POLR3B: variants seen among roughly 807,000 people sequenced by gnomAD.
POLR3B encodes RNA polymerase III subunit B, also known as DNA-directed RNA polymerase III subunit RPC2.
POLR3B carries 96 observed loss-of-function variants against 147.4 expected under a neutral mutation model. That is an observed-to-expected ratio of 0.65 (90% confidence interval 0.55 to 0.77). The LOEUF (loss-of-function observed/expected upper bound fraction) is 0.77. POLR3B is among the 30% of genes least tolerant of loss of function. POLR3B has a pLI of 0.00. For missense variants in POLR3B, 1,036 were observed against 1,413.5 expected (o/e 0.73, Z 4.28); for synonymous variants, 461 against 485.9 (o/e 0.95, Z 0.67).
chr12:106,409,354 T>G (rs1057460930), intron 11 of POLR3B, among the ~76,000 whole-genome samples: 1 of 139,816 alleles, frequency 7.2e-6, no homozygotes, highest in Non-Finnish European at 1.5e-5. Context: ...GGGTTTTTTT[T>G]GTTTTTTTTT....
intron 23 of POLR3B, among the ~76,000 whole-genome samples, chr12:106,477,890 C>CGTTTTTTT (rs1449168548): frequency 1.4e-5 from 1 of 72,228 alleles, no homozygotes; most frequent in Non-Finnish European, 2.7e-5. Flanking sequence ...TGGCTCCTCC[C>CGTTTTTTT]CTTTTTTTTT....
Position 106,504,036 on chromosome 12 carries a change from G to T in POLR3B, c.3099-45G>T. 1 of 1,580,790 alleles carries T rather than the reference G, an allele frequency of 6.3e-7. No individual in the cohort carries two copies. The highest frequency in any genetic ancestry group is 8.7e-7 in the Non-Finnish European group (1 of 1,149,626). ...AGCATGTGATGCTACCTCTTTGTTT[G>T]TTTAACAGAATAATAACACATTTGT... On this transcript the variant is annotated intron_variant, in intron 26 of 27. Transcript: ENST00000228347. This position sits in a 1 kb window ranked among gnomAD's most constrained non-coding sequence, Gnocchi z 4.6.
intron 18 of POLR3B, among the ~76,000 whole-genome samples, chr12:106,438,063 C>T (rs918135628): frequency 1.3e-5 from 2 of 152,066 alleles, no homozygotes; most frequent in Non-Finnish European, 2.9e-5. Flanking sequence ...TAACAGTCCC[C>T]CTGGTGTGTG....
intron 8 of POLR3B, 105 bp from the exon 9 acceptor site, chr12:106,379,926 G>A: frequency 1.4e-6 from 1 of 727,838 alleles, no homozygotes; most frequent in East Asian, 2.7e-5. Flanking sequence ...TGTGATTGTT[G>A]TTGATCAGTT....
chr12:106,358,523 GC>G (rs1200563603), intron 1 of POLR3B, among the ~76,000 whole-genome samples: 2 of 152,218 alleles, frequency 1.3e-5, no homozygotes, highest in Non-Finnish European at 2.9e-5. Flanking sequence ...GTTAAGGACA[GC>G]TGCCCCACAG....
chr12:106,370,469 T>C (rs1042989743), intron 6 of POLR3B, among the ~76,000 whole-genome samples: 2 of 152,202 alleles, frequency 1.3e-5, no homozygotes, highest in African/African-American at 4.8e-5. Flanking sequence ...CAGATTTTTA[T>C]GGAAACATGC....
chr12:106,472,569 A>G lies in POLR3B; in HGVS notation c.2713+8949A>G, dbSNP rs796848140. Among the ~76,000 whole-genome samples the G allele has an allele frequency of 6.1e-4, 93 of 151,356 alleles. No individual in the cohort carries two copies. In the South Asian group the frequency reaches 0.014, roughly 23 times the overall value. ...TGATTGCCATTCTAACTGGTGTGAG[A>G]TGATATCTCATAGTGCTTTTGATTT... is the stretch of plus-strand genomic sequence containing the variant. On this transcript the variant is annotated intron_variant, in intron 23 of 27. Coordinates refer to ENST00000228347, the MANE Select transcript of POLR3B (RefSeq NM_018082.6).
intron 10 of POLR3B, among the ~76,000 whole-genome samples, chr12:106,398,285 A>C (rs921932111): frequency 2.6e-5 from 4 of 152,046 alleles, no homozygotes; most frequent in Non-Finnish European, 5.9e-5. Flanking sequence ...AGGCTGGGGG[A>C]GGGGCGCCCA....
chr12:106,426,875 A>G (rs2037446916), intron 12 of POLR3B, among the ~76,000 whole-genome samples: 1 of 104,252 alleles, frequency 9.6e-6, no homozygotes, highest in South Asian at 3.4e-4. Flanking sequence ...TGGTTTTAAT[A>G]TATAACTTTA....
intron 25 of POLR3B, among the ~76,000 whole-genome samples, chr12:106,499,853 A>C (rs1336838125): frequency 3.3e-5 from 5 of 152,234 alleles, no homozygotes; most frequent in Non-Finnish European, 7.3e-5. Context: ...CCTGATGACC[A>C]CAAAAGCCTT....
chr12:106,458,749 G>A (rs147259120), intron 21 of POLR3B, among the ~76,000 whole-genome samples: 128 of 152,214 alleles, frequency 8.4e-4, no homozygotes, highest in Non-Finnish European at 1.6e-3. Context: ...GAAAATACGC[G>A]CTGTGACAGT....
Position 106,366,500 on chromosome 12 carries a change from C to G in POLR3B, c.106-16C>G, listed in dbSNP as rs774242810. 1 of 1,588,114 alleles carries G rather than the reference C, an allele frequency of 6.3e-7. No homozygotes were observed. The highest frequency in any genetic ancestry group is 1.1e-5 in the South Asian group (1 of 90,430). On this transcript the variant is annotated splice_polypyrimidine_tract_variant and intron_variant, in intron 2 of 27. Transcript: ENST00000228347. ...ACTTTTGCTAACCTGTTTACTTTCT[C>G]TTTCTATCTGTTTAGGTGAAAGGCC...
chr12:106,401,761 A>AG (rs2037070620), intron 10 of POLR3B, among the ~76,000 whole-genome samples: 1 of 152,202 alleles, frequency 6.6e-6, no homozygotes, highest in African/African-American at 2.4e-5. Context: ...AAAATTCAAC[A>AG]ACCTTCATGC....
chr12:106,389,613 T>TA (rs1373065135), intron 9 of POLR3B, among the ~76,000 whole-genome samples: 3 of 151,944 alleles, frequency 2.0e-5, no homozygotes, highest in Non-Finnish European at 4.4e-5. Flanking sequence ...TTTTTTTTTT[T>TA]AATTTTGGAA....
intron 12 of POLR3B, among the ~76,000 whole-genome samples, chr12:106,413,162 C>T (rs2037251816): frequency 6.6e-6 from 1 of 151,988 alleles, no homozygotes; most frequent in African/African-American, 2.4e-5. Flanking sequence ...CTATTATTTT[C>T]TCCTGTTGCC....
chr12:106,502,478 G>A (rs2038617007), intron 26 of POLR3B, among the ~76,000 whole-genome samples: 1 of 152,180 alleles, frequency 6.6e-6, no homozygotes, highest in African/African-American at 2.4e-5. Context: ...TCAAGAGTGT[G>A]AATACAGAAT....
intron 10 of POLR3B, 69 bp downstream of exon 10, chr12:106,393,222 C>T: frequency 1.9e-6 from 3 of 1,595,604 alleles, no homozygotes; most frequent in South Asian, 2.2e-5. Context: ...ATTGATAAAG[C>T]TCATCGGATG....
intron 9 of POLR3B, among the ~76,000 whole-genome samples, chr12:106,389,928 G>A (rs529839543): frequency 1.1e-4 from 17 of 152,220 alleles, no homozygotes; most frequent in South Asian, 4.1e-4. Context: ...GGCTGGGCGC[G>A]GTGGCTTTGG....
chr12:106,478,090 A>G (rs1014306302), intron 23 of POLR3B, among the ~76,000 whole-genome samples: 1 of 151,712 alleles, frequency 6.6e-6, no homozygotes, highest in Non-Finnish European at 1.5e-5. Context: ...TATTCTTAGT[A>G]GAGATGGAGT....
Sources: allele counts gnomAD v4.1 joint callset (sites outside exome capture counted in the v4.1 genomes callset), GRCh38; gene constraint gnomAD v4.1.1; non-coding constraint Gnocchi (gnomAD v3.1); transcripts MANE v1.5; gene names NCBI Gene and HGNC (gene_info 2026-07-23, HGNC 2026-07-21).